PRDM15: variants seen among roughly 807,000 people sequenced by gnomAD.
PRDM15 encodes PR domain zinc finger protein 15.
A neutral mutation model predicts 128.6 loss-of-function variants in PRDM15; 64 were observed. The ratio of observed to expected loss-of-function variants is 0.50; its 90% CI spans 0.41 to 0.61. The LOEUF (loss-of-function observed/expected upper bound fraction) is 0.61, where lower values mean the gene tolerates loss of function less well. Ranked by LOEUF, PRDM15 falls within the 20% of genes least tolerant of loss-of-function variation. The probability of loss-of-function intolerance (pLI) is 0.00; values close to 1 mark genes in which losing one functional copy is unlikely to be tolerated. For missense variants in PRDM15, 1,242 were observed against 1,569.1 expected (o/e 0.79, Z 3.52); for synonymous variants, 615 against 621.8 (o/e 0.99, Z 0.16).
At chr21:41,861,549 C>T (rs1336714299) in intron 1 of PRDM15, 1 of 1,592,468 alleles carries the variant, frequency 6.3e-7, no homozygotes, top group Non-Finnish European at 8.6e-7. Context: ...CCCCCAATCC[C>T]CAACTGTGCG....
chr21:41,820,300 G>A, intron 16 of PRDM15, 126 bp from the exon 17 acceptor site: 1 of 710,342 alleles, frequency 1.4e-6, no homozygotes, highest in Non-Finnish European at 2.5e-6. Flanking sequence ...GATAAAAGAA[G>A]CAGATATTTG....
At position 41,879,089 on chromosome 21, in the gene PRDM15, C is replaced by G; in HGVS notation, c.-10+181G>C. Reference sequence around the variant, plus strand: ...GATCGCCAACGGTGCCCGCAGCCGGCGAATGTAACAAAGAACAGTCGGCAT... The same window carrying G: ...GATCGCCAACGGTGCCCGCAGCCGGGGAATGTAACAAAGAACAGTCGGCAT... On this transcript the variant is annotated intron_variant, in intron 1 of 23. Coordinates refer to ENST00000398548, the MANE Select transcript of PRDM15 (RefSeq NM_001040424.3). The surrounding 1 kb of genome is among the most constrained non-coding windows in gnomAD (Gnocchi z 5.1). 1 of 1,128,148 alleles carries G rather than the reference C, an allele frequency of 8.9e-7. No homozygotes were observed. The highest frequency in any genetic ancestry group is 1.1e-6 in the Non-Finnish European group (1 of 896,296). 69.9% of individuals were successfully genotyped at this position (1,128,148 alleles called of 1,614,324 possible).
chr21:41,865,962 C>A (rs932236997), intron 1 of PRDM15, among the ~76,000 whole-genome samples: 12 of 152,114 alleles, frequency 7.9e-5, no homozygotes, highest in Non-Finnish European at 1.3e-4. Flanking sequence ...CCAGACTGGT[C>A]TCAAACTCCT....
chr21:41,815,170 G>A (rs1568906591), intron 19 of PRDM15, among the ~76,000 whole-genome samples: 1 of 151,672 alleles, frequency 6.6e-6, no homozygotes, highest in East Asian at 1.9e-4. Flanking sequence ...TCTTGGCCTT[G>A]TGTTAGAGAT....
At chr21:41,869,651 G>T (rs1401286102) in intron 1 of PRDM15, among the ~76,000 whole-genome samples, 1 of 152,110 alleles carries the variant, frequency 6.6e-6, no homozygotes, top group East Asian at 1.9e-4. Context: ...TCTCCATGTT[G>T]CCAAAGCTGG....
At chr21:41,837,361 T>C (rs1601312563) in intron 8 of PRDM15, among the ~76,000 whole-genome samples, 1 of 152,198 alleles carries the variant, frequency 6.6e-6, no homozygotes, top group Non-Finnish European at 1.5e-5. Flanking sequence ...ATATGCATGA[T>C]GGTATATTAC....
chr21:41,838,787 G>T (rs926221521), intron 7 of PRDM15, among the ~76,000 whole-genome samples: 16 of 152,210 alleles, frequency 1.1e-4, no homozygotes, highest in African/African-American at 3.9e-4. Flanking sequence ...AGCAGAAAAG[G>T]GGAGGCTCAG....
chr21:41,858,920 G>A (rs1007531809), intron 3 of PRDM15: 23 of 796,370 alleles, frequency 2.9e-5, no homozygotes, highest in South Asian at 1.6e-4. Context: ...CCTGTGCAGC[G>A]GCAGCACGTG....
Position 41,854,041 on chromosome 21 carries a change from T to C in PRDM15, c.538+525A>G, listed in dbSNP as rs2063504947. On this transcript the variant is annotated intron_variant, in intron 5 of 23. Transcript: ENST00000398548. The surrounding 1 kb of genome is among the most constrained non-coding windows in gnomAD (Gnocchi z 4.6). ...GGCAGAGCTAAGCAGTCATGCGCCA[T>C]GTGACAAGGTTTCAGTCAAAGACAG... Among the ~76,000 whole-genome samples, 1 of 152,202 alleles carries C rather than the reference T, an allele frequency of 6.6e-6. No homozygotes were observed.
At chr21:41,845,648 A>T (rs1217601876) in intron 6 of PRDM15, among the ~76,000 whole-genome samples, 2 of 152,066 alleles carry the variant, frequency 1.3e-5, no homozygotes, top group Admixed American at 6.5e-5. Flanking sequence ...TGTTGACTCA[A>T]GGAAGTTTCT....
intron 3 of PRDM15, chr21:41,858,960 C>T (rs1401032964): frequency 1.7e-6 from 2 of 1,210,244 alleles, no homozygotes; most frequent in Non-Finnish European, 2.3e-6. Context: ...ACACCACAAC[C>T]ACCCCACGGG....
rs2061818835 is a variant in PRDM15 at position 41,810,203 on chromosome 21, A to G, written c.2603T>C (p.Val868Ala). The G allele has an allele frequency of 6.2e-7, 1 of 1,612,534 alleles. No individual in the cohort carries two copies. Among genetic ancestry groups the G allele is most frequent in the Admixed American group, 1.7e-5 (1 of 59,974 alleles). The change falls in exon 21 of 24, where the codon GTG becomes GCG. Residue 868 changes from valine (V) to alanine (A), a missense_variant. Val to Ala is a moderately conservative substitution (Grantham distance 64). Coordinates refer to ENST00000398548, the MANE Select transcript of PRDM15 (RefSeq NM_001040424.3). This position sits in a 1 kb window ranked among gnomAD's most constrained non-coding sequence, Gnocchi z 6.4. ...AQSCQLCGTK[V>A]STRASMSRHM... ...TCGGCTCATGGAGGCCCTGGTGGAC[A>G]CCTTGGTCCCGCACAGCTGGCAGCT... is the stretch of plus-strand genomic sequence containing the variant.
rs536151317 is a variant in PRDM15 at position 41,854,654 on chromosome 21, C to A, written c.450G>T (p.Pro150=). The A allele has an allele frequency of 3.7e-6, 6 of 1,613,628 alleles. No homozygotes were observed. Among genetic ancestry groups the A allele is most frequent in the Non-Finnish European group, 5.1e-6 (6 of 1,179,992 alleles). ...VYFTTSRDIP[P]GTELRVWYAA... is the part of the protein sequence containing the mutation. ...CATACCACACGCGCAGCTCGGTACC[C>A]GGGGGGATGTCTCTGGAGGTGGTGA... Residue 150 remains proline, a synonymous_variant, in exon 5 of 24, where the codon CCG becomes CCT. Coordinates refer to ENST00000398548, the MANE Select transcript of PRDM15 (RefSeq NM_001040424.3). This position sits in a 1 kb window ranked among gnomAD's most constrained non-coding sequence, Gnocchi z 4.6.
Position 41,810,363 on chromosome 21 carries a change from GA to G in PRDM15, c.2477-35del, listed in dbSNP as rs1182754979. 1 of 1,590,982 alleles carries G rather than the reference GA, an allele frequency of 6.3e-7. No individual in the cohort carries two copies. The highest frequency in any genetic ancestry group is 1.7e-5 in the Admixed American group (1 of 59,160). On this transcript the variant is annotated intron_variant, in intron 20 of 23. Coordinates refer to ENST00000398548, the MANE Select transcript of PRDM15 (RefSeq NM_001040424.3). This position sits in a 1 kb window ranked among gnomAD's most constrained non-coding sequence, Gnocchi z 6.4. ...ACACACGCAGACACACATGCGCGTG[GA>G]AAGGAAGAGACACGCAGGTCACTAG...
In PRDM15 at chr21:41,823,483, G is replaced by A. The variant is rs577015055; in HGVS notation, c.1630-34C>T. 268 of 1,539,964 alleles carry A rather than the reference G, an allele frequency of 1.7e-4. 3 individuals carry two copies. The East Asian group carries it at 6.4e-3, about 37-fold the overall frequency. ...GAGGAGCCGCATGGTGAGGGGCTGC[G>A]GCGTCTCGTGACGGGAAGGAGCCTC... On this transcript the variant is annotated intron_variant, in intron 13 of 23. Coordinates refer to ENST00000398548, the MANE Select transcript of PRDM15 (RefSeq NM_001040424.3).
At chr21:41,850,316 A>C (rs1306380316) in intron 5 of PRDM15, among the ~76,000 whole-genome samples, 5 of 110,684 alleles carry the variant, frequency 4.5e-5, no homozygotes, top group African/African-American at 9.5e-5. Context: ...CCCCCCCAAC[A>C]CTCTCCTCCT....
At chr21:41,822,159 G>C in intron 14 of PRDM15, 122 bp from the exon 15 acceptor site, 3 of 1,366,484 alleles carry the variant, frequency 2.2e-6, no homozygotes, top group Non-Finnish European at 3.0e-6. Context: ...TCTGATGCCC[G>C]TGGCGCCCTA....
intron 1 of PRDM15, among the ~76,000 whole-genome samples, chr21:41,864,915 C>T (rs898187991): frequency 3.3e-5 from 5 of 150,382 alleles, no homozygotes; most frequent in African/African-American, 7.4e-5. Context: ...CCACGCTTCC[C>T]GGAACGCCAA....
intron 2 of PRDM15, among the ~76,000 whole-genome samples, chr21:41,860,073 T>C (rs929744318): frequency 1.3e-5 from 2 of 152,222 alleles, no homozygotes; most frequent in African/African-American, 2.4e-5. Flanking sequence ...ATTACTTTTC[T>C]GAATCAAGTG....
Sources: allele counts gnomAD v4.1 joint callset (sites outside exome capture counted in the v4.1 genomes callset), GRCh38; gene constraint gnomAD v4.1.1; non-coding constraint Gnocchi (gnomAD v3.1); transcripts MANE v1.5; gene names NCBI Gene and HGNC (gene_info 2026-07-23, HGNC 2026-07-21).